TRABD2B: variants seen among roughly 807,000 people sequenced by gnomAD.
The protein encoded by TRABD2B is metalloprotease TIKI2.
A neutral mutation model predicts 40.1 loss-of-function variants in TRABD2B; 14 were observed. The observed-to-expected ratio is 0.35, with a 90% CI of 0.23 to 0.55. The LOEUF (loss-of-function observed/expected upper bound fraction) is 0.55, where lower values mean the gene tolerates loss of function less well. Among genes scored for constraint, TRABD2B ranks in the 20% least tolerant of loss-of-function variants. The pLI is 0.90. For missense variants in TRABD2B, 541 were observed against 648.6 expected, an observed-to-expected ratio of 0.83 and a Z score of 1.80; for synonymous variants, 263 against 277.0, an observed-to-expected ratio of 0.95 and a Z score of 0.50.
intron 2 of TRABD2B, among the ~76,000 whole-genome samples, chr1:47,892,853 A>G (rs759343748): frequency 4.3e-4 from 66 of 152,254 alleles, no homozygotes; most frequent in Non-Finnish European, 4.4e-4. Context: ...GGCCAGCACC[A>G]TGAAACAGCA....
chr1:47,951,295 A>T (rs1177287238), intron 2 of TRABD2B, among the ~76,000 whole-genome samples: 1 of 152,186 alleles, frequency 6.6e-6, no homozygotes, highest in African/African-American at 2.4e-5. Context: ...AATGCGGGGG[A>T]TTCTTTTGGG....
At chr1:47,927,853 C>T (rs78869979) in intron 2 of TRABD2B, among the ~76,000 whole-genome samples, 3,572 of 152,332 alleles carry the variant, frequency 0.023, 107 homozygotes, top group Admixed American at 0.09. Context: ...GAATAATCTT[C>T]GCCTGAGCAA....
intron 2 of TRABD2B, among the ~76,000 whole-genome samples, chr1:47,859,559 C>T (rs1220590022): frequency 6.6e-6 from 1 of 152,194 alleles, no homozygotes; most frequent in Non-Finnish European, 1.5e-5. Flanking sequence ...CTGCAGCAGC[C>T]CCTTTCTGGC....
intron 2 of TRABD2B, among the ~76,000 whole-genome samples, chr1:47,831,485 T>C (rs1398999056): frequency 1.3e-5 from 2 of 152,054 alleles, no homozygotes; most frequent in Non-Finnish European, 2.9e-5. Flanking sequence ...CTGCAGACAT[T>C]TGTCAGCTCC....
intron 2 of TRABD2B, among the ~76,000 whole-genome samples, chr1:47,985,942 T>C (rs891321164): frequency 1.3e-5 from 2 of 152,054 alleles, no homozygotes; most frequent in Non-Finnish European, 2.9e-5. Context: ...GGGAACAACA[T>C]GAGCAAATGC....
intron 2 of TRABD2B, among the ~76,000 whole-genome samples, chr1:47,801,908 T>A (rs984391197): frequency 6.6e-6 from 1 of 152,180 alleles, no homozygotes; most frequent in Non-Finnish European, 1.5e-5. Context: ...GAACCCAACT[T>A]GTGTCTGGGT....
At chr1:47,910,219 T>C (rs1464247864) in intron 2 of TRABD2B, among the ~76,000 whole-genome samples, 1 of 152,040 alleles carries the variant, frequency 6.6e-6, no homozygotes, top group Non-Finnish European at 1.5e-5. Context: ...ATCAGGAAGG[T>C]ATTCTTACTA....
At chr1:47,921,972 A>G (rs1644907904) in intron 2 of TRABD2B, among the ~76,000 whole-genome samples, 1 of 152,208 alleles carries the variant, frequency 6.6e-6, no homozygotes. Context: ...ACAAGTAAGG[A>G]AACATGTTCA....
At chr1:47,817,569 C>T (rs1331700187) in intron 2 of TRABD2B, among the ~76,000 whole-genome samples, 2 of 152,150 alleles carry the variant, frequency 1.3e-5, no homozygotes, top group African/African-American at 4.8e-5. Context: ...CATGCCCTCT[C>T]GGGGCACGGA....
At chr1:47,817,189 G>A (rs372056184) in intron 2 of TRABD2B, among the ~76,000 whole-genome samples, 1 of 152,174 alleles carries the variant, frequency 6.6e-6, no homozygotes, top group East Asian at 2.0e-4. Context: ...GCGGCCTCCA[G>A]AGGCCATGTT....
chr1:47,884,268 G>C (rs1195149305), intron 2 of TRABD2B, among the ~76,000 whole-genome samples: 1 of 152,174 alleles, frequency 6.6e-6, no homozygotes, highest in African/African-American at 2.4e-5. Context: ...TGTCACTTCT[G>C]GGTGGAAGCT....
chr1:47,901,454 T>G (rs1196928235), intron 2 of TRABD2B, among the ~76,000 whole-genome samples: 1 of 152,106 alleles, frequency 6.6e-6, no homozygotes, highest in Non-Finnish European at 1.5e-5. Flanking sequence ...GCAGGGGGCA[T>G]GGACAGCCTG....
At chr1:47,810,315 C>T (rs1425109968) in intron 2 of TRABD2B, among the ~76,000 whole-genome samples, 1 of 152,140 alleles carries the variant, frequency 6.6e-6, no homozygotes, top group South Asian at 2.1e-4. Flanking sequence ...AGTGATCCTC[C>T]TGCCTTAGCC....
chr1:47,866,650 C>T (rs1044182162), intron 2 of TRABD2B, among the ~76,000 whole-genome samples: 2 of 152,168 alleles, frequency 1.3e-5, no homozygotes, highest in African/African-American at 4.8e-5. Flanking sequence ...ATTCCCAAGG[C>T]ATGCGCTGGA....
At chr1:47,942,856 T>C (rs1557670795) in intron 2 of TRABD2B, among the ~76,000 whole-genome samples, 1 of 152,228 alleles carries the variant, frequency 6.6e-6, no homozygotes, top group Non-Finnish European at 1.5e-5. Flanking sequence ...AGCTGGGATT[T>C]GAATGAGGCT....
chr1:47,843,828 G>C (rs1433296220), intron 2 of TRABD2B, among the ~76,000 whole-genome samples: 2 of 152,170 alleles, frequency 1.3e-5, no homozygotes, highest in Non-Finnish European at 2.9e-5. Context: ...GATGAGTGGG[G>C]TGTGGAGCCT....
intron 2 of TRABD2B, among the ~76,000 whole-genome samples, chr1:47,900,673 G>A (rs1273717973): frequency 6.6e-6 from 1 of 152,060 alleles, no homozygotes. Context: ...CTAAATGAAC[G>A]AAGTAAAAAC....
At chr1:47,982,945 C>G (rs1645861628) in intron 2 of TRABD2B, among the ~76,000 whole-genome samples, 1 of 152,196 alleles carries the variant, frequency 6.6e-6, no homozygotes, top group Non-Finnish European at 1.5e-5. Context: ...CAGGCCTCAC[C>G]ATGCGGGTTC....
At chr1:47,841,405 C>G (rs1244140239) in intron 2 of TRABD2B, among the ~76,000 whole-genome samples, 1 of 152,264 alleles carries the variant, frequency 6.6e-6, no homozygotes, top group Non-Finnish European at 1.5e-5. Context: ...GTTCCTATAT[C>G]TGCAGGGGCA....
Sources: allele counts gnomAD v4.1 joint callset (sites outside exome capture counted in the v4.1 genomes callset), GRCh38; gene constraint gnomAD v4.1.1; transcripts MANE v1.5; gene names NCBI Gene and HGNC (gene_info 2026-07-23, HGNC 2026-07-21).